The following CSMD1 variants were observed in gnomAD, a reference collection of about 807,000 sequenced individuals.
CSMD1 encodes the protein CUB and Sushi multiple domains 1.
A neutral mutation model predicts 417.5 loss-of-function variants in CSMD1; 213 were observed. The ratio of observed to expected loss-of-function variants is 0.51; its 90% CI spans 0.46 to 0.57. The LOEUF (loss-of-function observed/expected upper bound fraction) is 0.57, where lower values mean the gene tolerates loss of function less well. CSMD1 is among the 20% of genes least tolerant of loss of function. The pLI is 0.00. For synonymous variants in CSMD1, 2,862 were observed against 1,736.8 expected, an observed-to-expected ratio of 1.65 and a Z score of -16.11; for missense variants, 6,923 against 4,529.7, an observed-to-expected ratio of 1.53 and a Z score of -15.17.
At chr8:3,993,361 T>G (rs191712414) in intron 5 of CSMD1, among the ~76,000 whole-genome samples, 5 of 152,314 alleles carry the variant, frequency 3.3e-5, no homozygotes, top group African/African-American at 1.2e-4. Flanking sequence ...TAATTCTCCC[T>G]GGTTAGAAAT....
At chr8:4,322,165 C>G (rs1276442843) in intron 3 of CSMD1, among the ~76,000 whole-genome samples, 1 of 152,082 alleles carries the variant, frequency 6.6e-6, no homozygotes, top group African/African-American at 2.4e-5. Flanking sequence ...AATAACATTG[C>G]TAAAAGTTTC....
intron 18 of CSMD1, among the ~76,000 whole-genome samples, chr8:3,369,669 C>T (rs968353417): frequency 1.3e-5 from 2 of 152,190 alleles, no homozygotes; most frequent in Admixed American, 6.5e-5. Flanking sequence ...GTTTGCACTC[C>T]TGAGAGCCGC....
chr8:4,038,472 A>T (rs571225333), intron 3 of CSMD1, among the ~76,000 whole-genome samples: 2 of 152,300 alleles, frequency 1.3e-5, no homozygotes, highest in African/African-American at 4.8e-5. Context: ...TGTTCGAGAA[A>T]AACTAATTTG....
intron 12 of CSMD1, among the ~76,000 whole-genome samples, chr8:3,419,784 C>T (rs1813374687): frequency 6.6e-6 from 1 of 152,172 alleles, no homozygotes; most frequent in African/African-American, 2.4e-5. Context: ...TAATCTTCAT[C>T]AATACAGTTT....
intron 2 of CSMD1, among the ~76,000 whole-genome samples, chr8:4,509,017 G>A (rs1446191822): frequency 6.6e-6 from 1 of 151,984 alleles, no homozygotes; most frequent in South Asian, 2.1e-4. Context: ...GGTGAGAAAA[G>A]ACAACATGAG....
rs544217139 is a variant in CSMD1 at position 4,807,643 on chromosome 8, C to G, written c.86-170085G>C. On this transcript the variant is annotated intron_variant, in intron 1 of 69. Coordinates refer to ENST00000635120, the MANE Select transcript of CSMD1 (RefSeq NM_033225.6). The stretch of plus-strand genomic sequence containing the variant: ...AATAATCCTAATACATATGAATATA[C>G]ATAATACTGTACATGCACACGTACA... 2.0e-5 allele frequency among the ~76,000 whole-genome samples: 3 copies of G among 152,248 alleles called. No homozygotes were observed. In the East Asian group the frequency reaches 5.8e-4, roughly 29 times the overall value.
intron 3 of CSMD1, among the ~76,000 whole-genome samples, chr8:4,114,878 A>G (rs1802050478): frequency 2.0e-5 from 3 of 152,224 alleles, no homozygotes. Flanking sequence ...AAAACTTAAC[A>G]GATGAGGAAT....
chr8:3,606,421 T>C (rs1354931690), intron 8 of CSMD1, among the ~76,000 whole-genome samples: 1 of 152,128 alleles, frequency 6.6e-6, no homozygotes, highest in Non-Finnish European at 1.5e-5. Flanking sequence ...ATGGTAAGTG[T>C]TCGTATATCT....
chr8:4,736,707 GAA>G (rs1205416282), intron 1 of CSMD1, among the ~76,000 whole-genome samples: 1 of 152,052 alleles, frequency 6.6e-6, no homozygotes. Flanking sequence ...AATAATTTAA[GAA>G]AAAAAGTTAC....
intron 1 of CSMD1, among the ~76,000 whole-genome samples, chr8:4,670,770 A>G (rs1016022060): frequency 6.6e-6 from 1 of 152,248 alleles, no homozygotes; most frequent in Non-Finnish European, 1.5e-5. Context: ...ACAAAAATTT[A>G]TAATATAAAG....
At chr8:4,684,653 G>T (rs1375630750) in intron 1 of CSMD1, among the ~76,000 whole-genome samples, 1 of 152,064 alleles carries the variant, frequency 6.6e-6, no homozygotes, top group Non-Finnish European at 1.5e-5. Context: ...AGGATTATAA[G>T]GCAATTAAGT....
chr8:4,879,011 G>T (rs1012831474), intron 1 of CSMD1, among the ~76,000 whole-genome samples: 1 of 151,954 alleles, frequency 6.6e-6, no homozygotes, highest in Admixed American at 6.6e-5. Flanking sequence ...GAGGGCAAGG[G>T]ACAGGATATT....
rs577000028 is a variant in CSMD1 at position 3,059,341 on chromosome 8, C to A, written c.7475-6694G>T. On this transcript the variant is annotated intron_variant, in intron 49 of 69. Coordinates refer to ENST00000635120, the MANE Select transcript of CSMD1 (RefSeq NM_033225.6). The stretch of plus-strand genomic sequence containing the variant: ...CTGTCTTTATAAGGTGATCCTTGCA[C>A]TCCCTTCCCTGCACAACTTTTTCTC... 2.2e-5 allele frequency among the ~76,000 whole-genome samples: 3 copies of A among 139,016 alleles called. No homozygotes were observed. The East Asian group carries it at 6.1e-4, about 28-fold the overall frequency. 91.2% of individuals were successfully genotyped at this position (139,016 alleles called of 152,430 possible).
At chr8:4,684,122 GATA>G (rs1806221730) in intron 1 of CSMD1, among the ~76,000 whole-genome samples, 1 of 152,172 alleles carries the variant, frequency 6.6e-6, no homozygotes, top group African/African-American at 2.4e-5. Flanking sequence ...TACATAAAAT[GATA>G]ATGATTTCAT....
chr8:3,077,610 C>T (rs1030949064), intron 49 of CSMD1, among the ~76,000 whole-genome samples: 1 of 152,212 alleles, frequency 6.6e-6, no homozygotes, highest in African/African-American at 2.4e-5. Flanking sequence ...GCTATCTCTA[C>T]CTTAAGAATT....
At chr8:4,601,734 C>T (rs1224523008) in intron 2 of CSMD1, among the ~76,000 whole-genome samples, 1 of 152,162 alleles carries the variant, frequency 6.6e-6, no homozygotes, top group Non-Finnish European at 1.5e-5. Context: ...TACAGTGCTT[C>T]CCTGTAGCTG....
In CSMD1 at chr8:4,035,127, A is replaced by C. The variant is rs143065559; in HGVS notation, c.416-3028T>G. 3.6e-3 allele frequency among the ~76,000 whole-genome samples: 543 copies of C among 152,290 alleles called. 7 individuals carry two copies. Among genetic ancestry groups the C allele is most frequent in the African/African-American group, 0.013 (523 of 41,568 alleles). On this transcript the variant is annotated intron_variant, in intron 3 of 69. Transcript: ENST00000635120. ...TGAGCTGCCTAACAACAGCTCAATG[A>C]TACGACTCATATACAACATCGGTCC...
intron 10 of CSMD1, among the ~76,000 whole-genome samples, chr8:3,530,937 C>T (rs909468250): frequency 6.6e-6 from 1 of 152,016 alleles, no homozygotes; most frequent in Non-Finnish European, 1.5e-5. Context: ...ACTGCAACCT[C>T]CACCTCCCAG....
At chr8:3,771,147 C>G (rs1798549427) in intron 5 of CSMD1, among the ~76,000 whole-genome samples, 1 of 152,014 alleles carries the variant, frequency 6.6e-6, no homozygotes, top group South Asian at 2.1e-4. Context: ...TAAAACATTT[C>G]AACACACTGG....
Sources: gnomAD v4.1 joint callset for allele counts (sites outside exome capture counted in the v4.1 genomes callset) on GRCh38, gnomAD v4.1.1 for gene constraint, MANE v1.5 for transcripts, NCBI Gene and HGNC (gene_info 2026-07-23, HGNC 2026-07-21) for gene names.